Variants in ERICH6B observed in about 807,000 individuals in gnomAD.
ERICH6B encodes glutamate rich 6B, also known as glutamate-rich protein 6B.
ERICH6B carries 69 observed loss-of-function variants against 80.0 expected under a neutral mutation model. That is an observed-to-expected ratio of 0.86 (90% CI 0.71 to 1.05). The LOEUF (loss-of-function observed/expected upper bound fraction) is 1.05, where lower values mean the gene tolerates loss of function less well. ERICH6B is among the 50% of genes least tolerant of loss of function. The probability of loss-of-function intolerance (pLI) is 0.00; values close to 1 mark genes in which losing one functional copy is unlikely to be tolerated. For missense variants in ERICH6B, 754 were observed against 796.1 expected (o/e 0.95, Z 0.64); for synonymous variants, 283 against 291.9 (o/e 0.97, Z 0.31).
chr13:45,542,648 G>A (rs1045586091), intron 14 of ERICH6B, among the ~76,000 whole-genome samples: 1 of 152,180 alleles, frequency 6.6e-6, no homozygotes. Context: ...TTCAAAGGCC[G>A]GTGCCCCAGG....
intron 5 of ERICH6B, among the ~76,000 whole-genome samples, chr13:45,585,841 T>C (rs1291290603): frequency 1.3e-5 from 2 of 152,222 alleles, no homozygotes; most frequent in African/African-American, 2.4e-5. Context: ...ATAATGCTAA[T>C]GAAGGGCCAA....
rs1395715320 is a variant in ERICH6B, at chr13:45,561,437, G to C, written c.1339C>G (p.Pro447Ala). Residue 447 changes from proline to alanine, a missense_variant, in exon 11 of 15, where the codon CCT becomes GCT. Physicochemically the swap from Pro to Ala is conservative, Grantham distance 27. Transcript: ENST00000298738. ...EKPETEEIQK[P>A]QRVVHHRKKL... ...TTCCTATGATGAACAACACGTTGAG[G>C]CTTTTGGATTTCTTCTGTCTCAGGC... is the stretch of plus-strand genomic sequence containing the variant. 5 of 1,552,222 alleles carry C rather than the reference G, an allele frequency of 3.2e-6. No individual in the cohort carries two copies. The highest frequency in any genetic ancestry group is 2.0e-5 in the Admixed American group (1 of 51,006).
chr13:45,557,088 A>G (rs916942484), intron 11 of ERICH6B, among the ~76,000 whole-genome samples: 9 of 152,144 alleles, frequency 5.9e-5, no homozygotes, highest in African/African-American at 1.9e-4. Flanking sequence ...CACCGCATCC[A>G]CACCAACATC....
intron 14 of ERICH6B, among the ~76,000 whole-genome samples, chr13:45,543,050 ATCTG>A (rs1235525229): frequency 1.3e-5 from 2 of 152,140 alleles, no homozygotes; most frequent in East Asian, 3.9e-4. Context: ...GGACATGTCC[ATCTG>A]TCTGTCTGCC....
chr13:45,559,884 T>C (rs1204425732), intron 11 of ERICH6B, among the ~76,000 whole-genome samples: 1 of 152,220 alleles, frequency 6.6e-6, no homozygotes, highest in African/African-American at 2.4e-5. Context: ...TTGGGTAGAA[T>C]GTTCTGTAAA....
At chr13:45,588,143 C>T (rs757058228) in intron 4 of ERICH6B, among the ~76,000 whole-genome samples, 5 of 152,090 alleles carry the variant, frequency 3.3e-5, no homozygotes, top group Non-Finnish European at 7.4e-5. Flanking sequence ...GTAGGGGCAG[C>T]GCATGGGGTA....
rs193045582 is a variant in ERICH6B at position 45,568,403 on chromosome 13, T to C, written c.1099A>G (p.Met367Val). The change falls in exon 9 of 15, where the codon ATG becomes GTG. Residue 367 changes from methionine (M) to valine (V), a missense_variant. Physicochemically the swap from Met to Val is conservative, Grantham distance 21. Transcript: ENST00000298738. ...QTVFKTIIKEMAAHNELEEDF... is the reference protein window; with the variant it reads ...QTVFKTIIKEVAAHNELEEDF... The stretch of plus-strand genomic sequence containing the variant: ...TCTTCCAGTTCATTGTGAGCAGCCA[T>C]TTCTTTGATTATTGTTTTAAATACT... 1.0e-5 allele frequency: 16 copies of C among 1,550,110 alleles called. No individual in the cohort carries two copies. The East Asian group carries it at 3.9e-4, about 38-fold the overall frequency.
At chr13:45,548,068 G>A (rs528923666) in intron 13 of ERICH6B, among the ~76,000 whole-genome samples, 1 of 152,342 alleles carries the variant, frequency 6.6e-6, no homozygotes, top group East Asian at 1.9e-4. Flanking sequence ...TCTCAACACT[G>A]TGTGGGACCC....
intron 8 of ERICH6B, among the ~76,000 whole-genome samples, chr13:45,568,979 C>T (rs1242525141): frequency 2.6e-5 from 4 of 152,178 alleles, no homozygotes; most frequent in Non-Finnish European, 5.9e-5. Flanking sequence ...AACAAGTTTT[C>T]TGCATTCTAC....
intron 2 of ERICH6B, among the ~76,000 whole-genome samples, chr13:45,601,392 A>G (rs1326123087): frequency 2.0e-5 from 3 of 152,152 alleles, no homozygotes; most frequent in Admixed American, 6.5e-5. Context: ...TTTTTAAGCA[A>G]TTTTAAAATG....
intron 3 of ERICH6B, among the ~76,000 whole-genome samples, chr13:45,595,802 C>T (rs1876343838): frequency 6.6e-6 from 1 of 151,540 alleles, no homozygotes. Context: ...GCCACCACAC[C>T]CGACTAAATT....
intron 1 of ERICH6B, among the ~76,000 whole-genome samples, chr13:45,609,787 TG>T (rs753693462): frequency 6.6e-6 from 1 of 152,218 alleles, no homozygotes; most frequent in Non-Finnish European, 1.5e-5. Context: ...CACTTAATGA[TG>T]GGGATACGCT....
At chr13:45,569,458 A>G (rs1354196730) in intron 8 of ERICH6B, among the ~76,000 whole-genome samples, 1 of 152,186 alleles carries the variant, frequency 6.6e-6, no homozygotes, top group African/African-American at 2.4e-5. Context: ...CAGTTTGATC[A>G]TTCTTTTCCA....
chr13:45,598,156 G>A (rs193266013), intron 2 of ERICH6B, among the ~76,000 whole-genome samples: 194 of 152,108 alleles, frequency 1.3e-3, no homozygotes, highest in Admixed American at 1.8e-3. Context: ...CTCTCCTACA[G>A]CACTTATCAT....
At position 45,562,731 on chromosome 13, in the gene ERICH6B, A is replaced by G. The variant is rs112597352; in HGVS notation, c.1249+996T>C. Among the ~76,000 whole-genome samples, 967 of 152,334 alleles carry G rather than the reference A, an allele frequency of 6.3e-3. 12 individuals are homozygous for G. The highest frequency in any genetic ancestry group is 0.022 in the African/African-American group (915 of 41,570). ...CACCTCCAATGGAAGGTAAATCTGTAGCATGCAAAGGAGGAGTCCCAGCAT... is the reference window on the plus strand; with the variant it reads ...CACCTCCAATGGAAGGTAAATCTGTGGCATGCAAAGGAGGAGTCCCAGCAT... On this transcript the variant is annotated intron_variant, in intron 10 of 14. Transcript: ENST00000298738.
intron 2 of ERICH6B, among the ~76,000 whole-genome samples, chr13:45,597,948 C>T (rs1349683068): frequency 6.6e-6 from 1 of 152,138 alleles, no homozygotes; most frequent in African/African-American, 2.4e-5. Flanking sequence ...TCCTGAGACC[C>T]CTGCCACTGC....
At chr13:45,560,195 T>A (rs1327966046) in intron 11 of ERICH6B, among the ~76,000 whole-genome samples, 1 of 152,216 alleles carries the variant, frequency 6.6e-6, no homozygotes, top group Non-Finnish European at 1.5e-5. Context: ...GAATAGCTAC[T>A]CCTTCTCGCT....
At chr13:45,583,984 G>A (rs775161305) in intron 5 of ERICH6B, among the ~76,000 whole-genome samples, 25 of 152,154 alleles carry the variant, frequency 1.6e-4, no homozygotes, top group Non-Finnish European at 4.4e-5. Flanking sequence ...CTATGTGTAC[G>A]TAGTTCTATC....
intron 5 of ERICH6B, among the ~76,000 whole-genome samples, chr13:45,581,646 G>A (rs1257239156): frequency 6.6e-6 from 1 of 152,192 alleles, no homozygotes; most frequent in African/African-American, 2.4e-5. Context: ...CAAAGTGCTG[G>A]GATTACAGGC....
Sources: allele counts gnomAD v4.1 joint callset (sites outside exome capture counted in the v4.1 genomes callset), GRCh38; gene constraint gnomAD v4.1.1; transcripts MANE v1.5; gene names NCBI Gene and HGNC (gene_info 2026-07-23, HGNC 2026-07-21).